Variants in OPCML observed in about 807,000 individuals in gnomAD.
OPCML encodes opioid binding protein/cell adhesion molecule like.
In OPCML, 13 loss-of-function variants were observed where a neutral mutation model predicts 37.8. The ratio of observed to expected loss-of-function variants is 0.34; its 90% CI spans 0.22 to 0.55. OPCML has a LOEUF of 0.55. Among genes scored for constraint, OPCML ranks in the 20% least tolerant of loss-of-function variants. The pLI, the probability that OPCML is intolerant of heterozygous loss-of-function variation, is 0.91. For missense variants in OPCML, 341 were observed against 435.6 expected (o/e 0.78, Z 1.93); for synonymous variants, 176 against 168.8 (o/e 1.04, Z -0.33).
At chr11:132,977,594 TG>T (rs1483575167) in intron 1 of OPCML, among the ~76,000 whole-genome samples, 4 of 152,204 alleles carry the variant, frequency 2.6e-5, no homozygotes, top group Non-Finnish European at 5.9e-5. Flanking sequence ...GCAGAACCCC[TG>T]TCATCTGGTC....
At chr11:132,689,945 C>G (rs1180113003) in intron 2 of OPCML, among the ~76,000 whole-genome samples, 3 of 152,286 alleles carry the variant, frequency 2.0e-5, no homozygotes, top group African/African-American at 7.2e-5. Flanking sequence ...GTGCTCATAT[C>G]TAATGCTGAG....
At chr11:133,141,078 A>C (rs1415663167) in intron 1 of OPCML, among the ~76,000 whole-genome samples, 5 of 128,408 alleles carry the variant, frequency 3.9e-5, no homozygotes, top group Non-Finnish European at 6.8e-5. Context: ...AAGAAGAAGA[A>C]GAAGAAGAAG....
intron 2 of OPCML, among the ~76,000 whole-genome samples, chr11:132,693,589 A>G (rs1481641748): frequency 6.6e-6 from 1 of 152,232 alleles, no homozygotes; most frequent in Non-Finnish European, 1.5e-5. Context: ...ACTTCATGGT[A>G]AGTGTTCTGA....
intron 1 of OPCML, among the ~76,000 whole-genome samples, chr11:133,359,273 A>G (rs1291949472): frequency 6.6e-6 from 1 of 152,076 alleles, no homozygotes; most frequent in South Asian, 2.1e-4. Context: ...GTACTCATCA[A>G]TGTCTATGTC....
At chr11:133,085,309 C>G (rs1948802635) in intron 1 of OPCML, among the ~76,000 whole-genome samples, 1 of 152,184 alleles carries the variant, frequency 6.6e-6, no homozygotes, top group South Asian at 2.1e-4. Flanking sequence ...GAAGTTTCCC[C>G]TCATTACCTT....
chr11:132,556,121 T>G (rs907606260), intron 3 of OPCML, among the ~76,000 whole-genome samples: 4 of 151,858 alleles, frequency 2.6e-5, no homozygotes, highest in African/African-American at 9.7e-5. Flanking sequence ...AAAAAAAAAT[T>G]TTGTAGAGAT....
At chr11:132,994,774 C>T (rs1395505) in intron 1 of OPCML, among the ~76,000 whole-genome samples, 21,173 of 152,200 alleles carry the variant, frequency 0.14, 1,875 homozygotes, top group Admixed American at 0.29. Flanking sequence ...CCTCAAGATC[C>T]TCACATTCTT....
chr11:132,485,608 C>T (rs146356222), intron 4 of OPCML, among the ~76,000 whole-genome samples: 8 of 152,198 alleles, frequency 5.3e-5, no homozygotes, highest in Admixed American at 2.0e-4. Flanking sequence ...TATGACTTAG[C>T]GTTGACTGCT....
intron 1 of OPCML, among the ~76,000 whole-genome samples, chr11:133,147,684 C>T (rs1335628058): frequency 6.6e-6 from 1 of 152,110 alleles, no homozygotes; most frequent in African/African-American, 2.4e-5. Flanking sequence ...CCCTGCTCCC[C>T]ATCTCACCAC....
chr11:132,495,617 C>T (rs1472200208), intron 4 of OPCML, among the ~76,000 whole-genome samples: 6 of 152,100 alleles, frequency 3.9e-5, no homozygotes, highest in Non-Finnish European at 2.9e-5. Flanking sequence ...CTTGGCCTGG[C>T]GCAGTGGCTC....
intron 1 of OPCML, among the ~76,000 whole-genome samples, chr11:133,030,846 A>T (rs1241238769): frequency 6.6e-6 from 1 of 152,118 alleles, no homozygotes; most frequent in Non-Finnish European, 1.5e-5. Flanking sequence ...GGGGAATCCA[A>T]GCATTCCATC....
At chr11:133,227,437 AAG>A (rs1288249883) in intron 1 of OPCML, among the ~76,000 whole-genome samples, 1 of 152,172 alleles carries the variant, frequency 6.6e-6, no homozygotes, top group Non-Finnish European at 1.5e-5. Context: ...CCAGTTTGAA[AAG>A]AGAGAGGTTT....
chr11:132,553,850 C>T (rs994775180), intron 3 of OPCML, among the ~76,000 whole-genome samples: 36 of 152,166 alleles, frequency 2.4e-4, no homozygotes, highest in African/African-American at 8.4e-4. Context: ...ATGAAAGTGC[C>T]TGAAGCTGAA....
intron 7 of OPCML, chr11:132,435,168 CTGA>C (rs779173320): frequency 7.8e-7 from 1 of 1,289,364 alleles, no homozygotes; most frequent in Admixed American, 2.3e-5. Context: ...CCTGCCACTG[CTGA>C]TGAGGGGCTT....
intron 4 of OPCML, among the ~76,000 whole-genome samples, chr11:132,452,988 C>G (rs1470966107): frequency 6.6e-6 from 1 of 152,182 alleles, no homozygotes; most frequent in Non-Finnish European, 1.5e-5. Flanking sequence ...TCTCCCTGCA[C>G]CATGCCCACA....
chr11:133,140,922 C>CGAA lies in OPCML; in HGVS notation c.62-197913_62-197912insTTC, dbSNP rs1471987757. Among the ~76,000 whole-genome samples, 22 of 4,808 alleles carry CGAA rather than the reference C, an allele frequency of 4.6e-3. 5 individuals carry two copies. Among genetic ancestry groups the CGAA allele is most frequent in the Non-Finnish European group, 9.1e-3 (11 of 1,212 alleles). The allele number at this position is 4,808 out of a possible 152,430, so 3.2% of individuals were successfully genotyped here. On this transcript the variant is annotated intron_variant, in intron 1 of 7. Coordinates refer to ENST00000524381, the MANE Select transcript of OPCML (RefSeq NM_001012393.5). ...ACGACGACGACGAAGAAGAAGAAGACGACGACGACGAAGAAGAAGAAGACG... is the reference window on the plus strand; with the variant it reads ...ACGACGACGACGAAGAAGAAGAAGACGAAGACGACGACGAAGAAGAAGAAGACG...
At position 132,422,511 on chromosome 11, in the gene OPCML, G is replaced by T. The variant is rs114206840; in HGVS notation, c.917-2218C>A. On this transcript the variant is annotated intron_variant, in intron 7 of 7. Transcript: ENST00000524381. ...TTCTCAAGAGTGGAAATGAAAGGGA[G>T]ACTTAGCAGGTATGTAGGCTGCTCA... 5.7e-4 allele frequency among the ~76,000 whole-genome samples: 87 copies of T among 152,314 alleles called. 1 individual carries two copies. Among genetic ancestry groups the T allele is most frequent in the African/African-American group, 2.0e-3 (84 of 41,568 alleles).
At chr11:133,200,228 T>A (rs1938713394) in intron 1 of OPCML, among the ~76,000 whole-genome samples, 2 of 152,202 alleles carry the variant, frequency 1.3e-5, no homozygotes, top group South Asian at 4.1e-4. Context: ...CCTTGGAGTG[T>A]CACACCGTCC....
At chr11:133,470,570 C>T (rs1258538051) in intron 1 of OPCML, among the ~76,000 whole-genome samples, 1 of 152,226 alleles carries the variant, frequency 6.6e-6, no homozygotes, top group Admixed American at 6.5e-5. Context: ...TTTCCCTGGT[C>T]CCTGCCACCC....
Sources: gnomAD v4.1 joint callset for allele counts (sites outside exome capture counted in the v4.1 genomes callset) on GRCh38, gnomAD v4.1.1 for gene constraint, MANE v1.5 for transcripts, NCBI Gene and HGNC (gene_info 2026-07-23, HGNC 2026-07-21) for gene names.